The following MYO10 variants were observed in gnomAD, a reference collection of about 807,000 sequenced individuals.
The protein encoded by MYO10 is myosin X, also known as unconventional myosin-X.
MYO10 carries 133 observed loss-of-function variants against 257.3 expected under a neutral mutation model. The ratio of observed to expected loss-of-function variants is 0.52; its 90% CI spans 0.45 to 0.60. The LOEUF is 0.60. Among genes scored for constraint, MYO10 ranks in the 20% least tolerant of loss-of-function variants. MYO10 has a pLI of 0.00. For missense variants in MYO10, 2,399 were observed against 2,635.7 expected (o/e 0.91, Z 1.97); for synonymous variants, 1,104 against 1,028.6 (o/e 1.07, Z -1.40).
chr5:16,835,126 G>C (rs1355290670), intron 2 of MYO10, among the ~76,000 whole-genome samples: 1 of 152,110 alleles, frequency 6.6e-6, no homozygotes, highest in Non-Finnish European at 1.5e-5. Context: ...GCAGTAAGTC[G>C]AGATTGCGTC....
intron 1 of MYO10, among the ~76,000 whole-genome samples, chr5:16,924,354 T>C (rs1746072978): frequency 6.6e-6 from 1 of 152,166 alleles, no homozygotes; most frequent in Admixed American, 6.5e-5. Flanking sequence ...CGCTAATCAA[T>C]GTATTTCCTT....
chr5:16,762,139 A>AT, intron 15 of MYO10, 26 bp from the exon 16 acceptor site: 1 of 1,476,364 alleles, frequency 6.8e-7, no homozygotes, highest in Non-Finnish European at 9.0e-7. Flanking sequence ...AAAAAAAAAA[A>AT]AAAAATACAA....
In MYO10 at chr5:16,701,631, G is replaced by A. The variant is rs372696038; in HGVS notation, c.2764C>T (p.Arg922Trp). The A allele has an allele frequency of 3.7e-5, 60 of 1,613,448 alleles. No individual in the cohort carries two copies. The East Asian group carries it at 4.0e-4, about 11-fold the overall frequency. Residue 922 changes from arginine to tryptophan, a missense_variant, in exon 25 of 41, where the codon CGG becomes TGG. By Grantham distance (101) the Arg-to-Trp change is moderately radical. This residue lies in a region of MYO10 where 1,820 missense variants were observed against 1,939.4 expected (regional missense o/e 0.94). Coordinates refer to ENST00000513610, the MANE Select transcript of MYO10 (RefSeq NM_012334.3). The surrounding 1 kb of genome is among the most constrained non-coding windows in gnomAD (Gnocchi z 8.1). ...TEASLQKLQERRDQELRRLEE... is the reference protein window; with the variant it reads ...TEASLQKLQEWRDQELRRLEE... ...AGCCTGCGGAGCTCCTGGTCCCGCCGCTCCTGCAGCTTCTGCAGGGAAGCC... is the reference window on the plus strand; with the variant it reads ...AGCCTGCGGAGCTCCTGGTCCCGCCACTCCTGCAGCTTCTGCAGGGAAGCC...
Position 16,666,547 on chromosome 5 carries a change from T to C in MYO10, c.*145A>G. On this transcript the variant is annotated 3_prime_UTR_variant, in exon 41 of 41. Coordinates refer to ENST00000513610, the MANE Select transcript of MYO10 (RefSeq NM_012334.3). ...ATGAAGGCGGCAGGCAAAAGGATCC[T>C]CGGAGACACCTCCCTCAGACCAGAA... 1.6e-6 allele frequency: 1 copy of C among 635,960 alleles called. No homozygotes were observed. The highest frequency in any genetic ancestry group is 2.7e-6 in the Non-Finnish European group (1 of 372,668). The allele number at this position is 635,960 out of a possible 1,614,324, so 39.4% of individuals were successfully genotyped here.
Position 16,681,987 on chromosome 5 carries a change from G to A in MYO10, c.4073C>T (p.Ala1358Val). The change falls in exon 31 of 41, where the codon GCC (alanine) becomes GTC (valine). Residue 1358 changes from alanine (A) to valine (V), a missense_variant. Physicochemically the swap from Ala to Val is moderately conservative, Grantham distance 64. Coordinates refer to ENST00000513610, the MANE Select transcript of MYO10 (RefSeq NM_012334.3). Reference protein sequence around the residue: ...DRPNSFVIITANRVLHCNADT... With the variant: ...DRPNSFVIITVNRVLHCNADT... ...GGCGTTGCAGTGCAGCACCCGGTTG[G>A]CCGTGATGATCACAAACGAGTTGGG... The A allele has an allele frequency of 6.2e-7, 1 of 1,613,682 alleles. No individual in the cohort carries two copies. Among genetic ancestry groups the A allele is most frequent in the Non-Finnish European group, 8.5e-7 (1 of 1,179,884 alleles).
At chr5:16,867,214 G>A (rs1241919114) in intron 2 of MYO10, among the ~76,000 whole-genome samples, 1 of 152,126 alleles carries the variant, frequency 6.6e-6, no homozygotes, top group African/African-American at 2.4e-5. Flanking sequence ...CACTCAGATC[G>A]GTCCTCCTCA....
chr5:16,764,180 A>C, intron 12 of MYO10, 70 bp downstream of exon 12: 3 of 1,521,384 alleles, frequency 2.0e-6, no homozygotes, highest in African/African-American at 1.4e-5. Context: ...GTTTGCTCAC[A>C]GAGATTTGTT....
intron 17 of MYO10, among the ~76,000 whole-genome samples, chr5:16,760,173 C>A (rs965201497): frequency 1.3e-5 from 2 of 151,616 alleles, no homozygotes; most frequent in Admixed American, 1.3e-4. Context: ...ACACTTCCGC[C>A]GGGCATGGTG....
At chr5:16,806,926 T>C (rs72732249) in intron 3 of MYO10, among the ~76,000 whole-genome samples, 9,089 of 152,246 alleles carry the variant, frequency 0.06, 366 homozygotes, top group Non-Finnish European at 0.085. Flanking sequence ...GCTACAGAAA[T>C]CAGAGGTATG....
At chr5:16,752,949 A>G (rs1248025513) in intron 19 of MYO10, among the ~76,000 whole-genome samples, 2 of 152,224 alleles carry the variant, frequency 1.3e-5, no homozygotes, top group African/African-American at 4.8e-5. Context: ...AAGATGGGTT[A>G]CTTTTTAAAC....
chr5:16,666,719 G>A lies in MYO10; in HGVS notation c.6150C>T (p.Ser2050=), dbSNP rs372997082. The A allele has an allele frequency of 3.2e-5, 51 of 1,605,778 alleles. No individual in the cohort carries two copies. The highest frequency in any genetic ancestry group is 1.0e-4 in the South Asian group (9 of 89,418). ...IVKKRYSTTR[S]ASSQGSSR is the part of the protein sequence containing the mutation. Reference sequence around the variant, plus strand: ...ACCTGGAGCTGCCCTGGCTGCTGGCGGAGCGTGTCGTGCTGTAGCGCTTCT... The same window carrying A: ...ACCTGGAGCTGCCCTGGCTGCTGGCAGAGCGTGTCGTGCTGTAGCGCTTCT... The change falls in exon 41 of 41, where the codon TCC becomes TCT. Residue 2050 remains serine (S), a synonymous_variant. Transcript: ENST00000513610.
At chr5:16,685,859 G>T in intron 28 of MYO10, 28 bp from the exon 29 acceptor site, 1 of 1,555,860 alleles carries the variant, frequency 6.4e-7, no homozygotes. Flanking sequence ...CAACTGTCAA[G>T]GAGAGGCCAA....
chr5:16,846,444 G>A (rs538779603), intron 2 of MYO10, among the ~76,000 whole-genome samples: 11 of 152,162 alleles, frequency 7.2e-5, no homozygotes, highest in Admixed American at 5.2e-4. Flanking sequence ...ACCTGGGCCC[G>A]CAAAGTCTAC....
chr5:16,920,322 T>C (rs1745947452), intron 1 of MYO10, among the ~76,000 whole-genome samples: 1 of 152,052 alleles, frequency 6.6e-6, no homozygotes, highest in Non-Finnish European at 1.5e-5. Context: ...TCCTGAACAA[T>C]GCAATATTAC....
chr5:16,766,707 T>C (rs1308698364), intron 10 of MYO10, among the ~76,000 whole-genome samples: 1 of 151,844 alleles, frequency 6.6e-6, no homozygotes, highest in Non-Finnish European at 1.5e-5. Context: ...CCTCATGATC[T>C]ACCCGCCTTG....
intron 1 of MYO10, among the ~76,000 whole-genome samples, chr5:16,908,608 A>G (rs1561053441): frequency 6.6e-6 from 1 of 152,246 alleles, no homozygotes; most frequent in Non-Finnish European, 1.5e-5. Flanking sequence ...ATGCCATGAC[A>G]CTAATAAAAA....
At chr5:16,736,374 T>C (rs898494017) in intron 19 of MYO10, among the ~76,000 whole-genome samples, 7 of 152,174 alleles carry the variant, frequency 4.6e-5, no homozygotes, top group East Asian at 1.9e-4. Context: ...AGCAACTGAA[T>C]AGAAGTGGCC....
intron 1 of MYO10, among the ~76,000 whole-genome samples, chr5:16,905,350 A>G (rs1745493166): frequency 6.6e-6 from 1 of 152,138 alleles, no homozygotes; most frequent in Admixed American, 6.6e-5. Flanking sequence ...ACCGACCTTG[A>G]GCCCTTACTG....
In MYO10 at chr5:16,663,328, G is replaced by GTTTTTTTTT. The variant is rs70940395; in HGVS notation, c.*3355_*3363dup. On this transcript the variant is annotated 3_prime_UTR_variant, in exon 41 of 41. Coordinates refer to ENST00000513610, the MANE Select transcript of MYO10 (RefSeq NM_012334.3). ...AAAAAGTAACATTTTACTTCTAGTT[G>GTTTTTTTTT]TTTTTTTTTTTTTTTTTTTTTTTTT... 55 of 76,874 alleles carry GTTTTTTTTT rather than the reference G, an allele frequency of 7.2e-4. 9 individuals carry two copies. Among genetic ancestry groups the GTTTTTTTTT allele is most frequent in the African/African-American group, 1.9e-3 (29 of 15,518 alleles). 4.8% of individuals were successfully genotyped at this position (76,874 alleles called of 1,614,324 possible). A position where few individuals can be genotyped will look rare whatever the true frequency, so the allele number is the denominator to read the frequency against.
Sources: allele counts gnomAD v4.1 joint callset (sites outside exome capture counted in the v4.1 genomes callset), GRCh38; gene constraint gnomAD v4.1.1; regional missense constraint gnomAD v4.1.1; non-coding constraint Gnocchi (gnomAD v3.1); transcripts MANE v1.5; gene names NCBI Gene and HGNC (gene_info 2026-07-23, HGNC 2026-07-21).